TNNT3: variants seen among roughly 807,000 people sequenced by gnomAD.
TNNT3 encodes the protein troponin T, fast skeletal muscle.
In TNNT3, 36 loss-of-function variants were observed where a neutral mutation model predicts 54.2. The ratio of observed to expected loss-of-function variants is 0.66; its 90% CI spans 0.51 to 0.88. The LOEUF (loss-of-function observed/expected upper bound fraction) is 0.88, where lower values mean the gene tolerates loss of function less well. TNNT3 is among the 40% of genes least tolerant of loss of function. The pLI, the probability that TNNT3 is intolerant of heterozygous loss-of-function variation, is 0.00. For synonymous variants in TNNT3, 120 were observed against 109.7 expected (o/e 1.09, Z -0.59); for missense variants, 291 against 331.6 (o/e 0.88, Z 0.95).
chr11:1,933,783 C>T lies in TNNT3; in HGVS notation c.234C>T (p.His78=). 1 of 1,612,928 alleles carries T rather than the reference C, an allele frequency of 6.2e-7. No individual in the cohort carries two copies. Residue 78 remains histidine, a synonymous_variant, in exon 10 of 16, where the codon CAC becomes CAT. Transcript: ENST00000278317. ...LMELQALIDS[H]FEARKKEEEE... ...AGCTCCAGGCCCTCATCGACAGCCA[C>T]TTTGAAGCCCGGAAGAAGGAGGAGG...
At position 1,937,579 on chromosome 11, in the gene TNNT3, G is replaced by A. The variant is rs539698724; in HGVS notation, c.722+576G>A. Among the ~76,000 whole-genome samples, 154 of 152,286 alleles carry A rather than the reference G, an allele frequency of 1.0e-3. 1 individual carries two copies. The South Asian group carries it at 0.013, about 13-fold the overall frequency. ...GGGCTGCACCCAGGGTGCCCCCGGC[G>A]ATGCCACGCTGGGGATCCTGTCATG... On this transcript the variant is annotated intron_variant, in intron 15 of 15. Coordinates refer to ENST00000278317, the MANE Select transcript of TNNT3 (RefSeq NM_006757.4).
chr11:1,932,756 C>G (rs972414707), intron 9 of TNNT3, among the ~76,000 whole-genome samples: 2 of 151,520 alleles, frequency 1.3e-5, no homozygotes, highest in Non-Finnish European at 2.9e-5. Context: ...AAGCTCCTAC[C>G]CATTCACCTA....
chr11:1,935,426 T>C (rs1213046595), intron 14 of TNNT3: 1 of 229,268 alleles, frequency 4.4e-6, no homozygotes, highest in Admixed American at 5.2e-5. Flanking sequence ...CTGCACCCTG[T>C]GGCTGGGAAA....
intron 14 of TNNT3, among the ~76,000 whole-genome samples, chr11:1,936,682 G>A (rs758245955): frequency 1.8e-4 from 28 of 151,916 alleles, no homozygotes; most frequent in African/African-American, 6.3e-4. Context: ...ACATCCTGCC[G>A]CAGGCTGAAG....
intron 5 of TNNT3, among the ~76,000 whole-genome samples, chr11:1,926,072 A>G (rs1851492728): frequency 6.6e-6 from 1 of 151,736 alleles, no homozygotes; most frequent in South Asian, 2.1e-4. Flanking sequence ...CGGCCAGGCT[A>G]CAACCTCGCA....
chr11:1,926,816 T>A (rs1264706079), intron 6 of TNNT3, 107 bp downstream of exon 6: 2 of 1,472,750 alleles, frequency 1.4e-6, no homozygotes, highest in African/African-American at 2.8e-5. Context: ...CACCAACAAC[T>A]GAACCCGTTC....
intron 5 of TNNT3, 108 bp downstream of exon 5, chr11:1,925,224 A>G: frequency 6.2e-7 from 1 of 1,604,398 alleles, no homozygotes; most frequent in Non-Finnish European, 8.5e-7. Flanking sequence ...GCCCCTGTCT[A>G]ACCCTCTCCT....
chr11:1,929,184 C>T, intron 7 of TNNT3, 41 bp downstream of exon 7: 1 of 1,609,812 alleles, frequency 6.2e-7, no homozygotes, highest in African/African-American at 1.3e-5. Context: ...AGGACCCTGG[C>T]TCTAGCCGAC....
intron 1 of TNNT3, 33 bp from the exon 2 acceptor site, chr11:1,922,820 CCTCT>C (rs140086507): frequency 3.4e-4 from 491 of 1,451,654 alleles, no homozygotes; most frequent in African/African-American, 1.1e-3. Context: ...CTCTTTCCAT[CCTCT>C]CTCTCTCTCT....
intron 3 of TNNT3, 67 bp downstream of exon 3, chr11:1,923,128 G>A: frequency 1.3e-6 from 2 of 1,598,162 alleles, no homozygotes; most frequent in East Asian, 2.2e-5. Context: ...TGGGCAGGGG[G>A]CTGGACTGTG....
At chr11:1,932,903 C>T (rs1200793391) in intron 9 of TNNT3, among the ~76,000 whole-genome samples, 3 of 146,794 alleles carry the variant, frequency 2.0e-5, no homozygotes, top group Admixed American at 1.4e-4. Flanking sequence ...CAACCAGCCA[C>T]GTATCCACTC....
At chr11:1,928,111 C>A (rs1359664375) in intron 6 of TNNT3, 1 of 153,072 alleles carries the variant, frequency 6.5e-6, no homozygotes, top group East Asian at 1.9e-4. Context: ...ACCCCCACCC[C>A]CGGGCCCAGG....
At position 1,934,319 on chromosome 11, in the gene TNNT3, G is replaced by C. The variant is rs1854308362; in HGVS notation, c.367-13G>C. On this transcript the variant is annotated splice_polypyrimidine_tract_variant and intron_variant, in intron 11 of 15. Transcript: ENST00000278317. ...CTCCATCCCTGAGCATCTTGGGAAT[G>C]GGGTCTCCACAGGAGGAAAAGGCCA... The C allele has an allele frequency of 6.2e-7, 1 of 1,608,522 alleles. No individual in the cohort carries two copies. Among genetic ancestry groups the C allele is most frequent in the Non-Finnish European group, 8.5e-7 (1 of 1,175,478 alleles).
chr11:1,934,864 A>T lies in TNNT3; in HGVS notation c.626A>T (p.Gln209Leu). The change falls in exon 14 of 16, where the codon CAG (glutamine) becomes CTG (leucine). Residue 209 changes from glutamine to leucine, a missense_variant. Gln to Leu is a moderately radical substitution (Grantham distance 113). Coordinates refer to ENST00000278317, the MANE Select transcript of TNNT3 (RefSeq NM_006757.4). Reference sequence around the variant, plus strand: ...AAGGAGCTCTGGGAGACCCTGCACCAGCTGGAGATTGACAAGTTCGAGTTT... The same window carrying T: ...AAGGAGCTCTGGGAGACCCTGCACCTGCTGGAGATTGACAAGTTCGAGTTT... ...KAKELWETLH[Q>L]LEIDKFEFGE... 1 of 1,613,654 alleles carries T rather than the reference A, an allele frequency of 6.2e-7. No homozygotes were observed. Among genetic ancestry groups the T allele is most frequent in the Non-Finnish European group, 8.5e-7 (1 of 1,180,030 alleles).
intron 8 of TNNT3, among the ~76,000 whole-genome samples, chr11:1,931,579 G>A (rs1465606979): frequency 1.3e-5 from 2 of 152,312 alleles, no homozygotes; most frequent in East Asian, 1.9e-4. Flanking sequence ...CTGAGAACTC[G>A]TAGCTACGGC....
Position 1,938,534 on chromosome 11 carries a change from C to G in TNNT3, c.*42C>G. 6.3e-7 allele frequency: 1 copy of G among 1,597,408 alleles called. No individual in the cohort carries two copies. The highest frequency in any genetic ancestry group is 8.6e-7 in the Non-Finnish European group (1 of 1,166,452). ...CCTCGAGGCAGAGACCCTCCGCCCTCTTGCACACCAGGGCCGCTCGTGGGA... is the reference window on the plus strand; with the variant it reads ...CCTCGAGGCAGAGACCCTCCGCCCTGTTGCACACCAGGGCCGCTCGTGGGA... On this transcript the variant is annotated 3_prime_UTR_variant, in exon 16 of 16. Transcript: ENST00000278317.
At chr11:1,936,346 G>A (rs1339295426) in intron 14 of TNNT3, 1 of 1,424,578 alleles carries the variant, frequency 7.0e-7, no homozygotes, top group African/African-American at 1.4e-5. Context: ...GGATCGCTCA[G>A]GATGCTGGCG....
At position 1,936,971 on chromosome 11, in the gene TNNT3, G is replaced by T; in HGVS notation, c.690G>T (p.Thr230=). 6.2e-7 allele frequency: 1 copy of T among 1,606,306 alleles called. No homozygotes were observed. The highest frequency in any genetic ancestry group is 1.7e-5 in the Admixed American group (1 of 59,238). ...KLKRQKYDIT[T]LRSRIDQAQK... is the part of the protein sequence containing the mutation. Reference sequence around the variant, plus strand: ...ACTCATGTTGTTCACAGATCACCACGCTCAGGAGCCGCATTGACCAGGCCC... The same window carrying T: ...ACTCATGTTGTTCACAGATCACCACTCTCAGGAGCCGCATTGACCAGGCCC... The change falls in exon 15 of 16, where the codon ACG becomes ACT. Residue 230 remains threonine, a synonymous_variant. Coordinates refer to ENST00000278317, the MANE Select transcript of TNNT3 (RefSeq NM_006757.4).
intron 15 of TNNT3, among the ~76,000 whole-genome samples, chr11:1,937,943 C>T (rs551643606): frequency 1.3e-5 from 2 of 152,296 alleles, no homozygotes; most frequent in South Asian, 2.1e-4. Context: ...TGAATGGGGC[C>T]GGCCTCGCGG....
Sources: gnomAD v4.1 joint callset for allele counts (sites outside exome capture counted in the v4.1 genomes callset) on GRCh38, gnomAD v4.1.1 for gene constraint, MANE v1.5 for transcripts, NCBI Gene and HGNC (gene_info 2026-07-23, HGNC 2026-07-21) for gene names.